The following TMEM272 variants were observed in gnomAD, a reference collection of about 807,000 sequenced individuals.
TMEM272 encodes the protein long intergenic non-protein coding RNA 282.
A neutral mutation model predicts 3.7 loss-of-function variants in TMEM272; 8 were observed. The observed-to-expected ratio is 2.17, with a 90% CI of 1.27 to 3.91. The LOEUF (loss-of-function observed/expected upper bound fraction) is 3.91, where lower values mean the gene tolerates loss of function less well. Ranked by LOEUF, TMEM272 falls within the 30% of genes most tolerant of loss-of-function variation. The pLI is 0.00. For missense variants in TMEM272, 166 were observed against 91.5 expected (o/e 1.81, Z -3.32); for synonymous variants, 63 against 39.8 (o/e 1.58, Z -2.20).
At chr13:51,932,236 T>C in the TMEM272 span, 77,883 of 151,930 alleles carry the variant, frequency 0.51, 19,987 homozygotes, top group Middle Eastern at 0.54. Flanking sequence ...CAGCAGAGCC[T>C]ACTAGTCAAG....
intron 4 of TMEM272, among the ~76,000 whole-genome samples, chr13:51,818,307 CAG>C (rs1956051236): frequency 1.3e-5 from 2 of 152,148 alleles, no homozygotes; most frequent in Admixed American, 6.5e-5. Flanking sequence ...TAAAGAGAGA[CAG>C]AGAGATGGGA....
chr13:51,894,251 A>C, the TMEM272 span, among the ~76,000 whole-genome samples: 7 of 152,220 alleles, frequency 4.6e-5, no homozygotes, highest in African/African-American at 1.7e-4. Context: ...TCAGGAACTA[A>C]AGCAAAGGCA....
the TMEM272 span, chr13:51,862,195 C>T: frequency 6.6e-6 from 1 of 152,212 alleles, no homozygotes; most frequent in Non-Finnish European, 1.5e-5. Flanking sequence ...CCTCTGAGGG[C>T]TACAGGACTT....
At chr13:51,871,785 TACACACACAC>T in the TMEM272 span, among the ~76,000 whole-genome samples, 13,973 of 129,520 alleles carry the variant, frequency 0.11, 752 homozygotes, top group Non-Finnish European at 0.12. Context: ...AATCTCCCCC[TACACACACAC>T]ACACACACAC....
chr13:51,910,559 C>T, the TMEM272 span: 1 of 692,004 alleles, frequency 1.4e-6, no homozygotes, highest in South Asian at 1.4e-5. Flanking sequence ...CTGCCATAAC[C>T]CTGGGTAGCA....
At chr13:51,934,341 A>C in the TMEM272 span, 1 of 301,756 alleles carries the variant, frequency 3.3e-6, no homozygotes. Flanking sequence ...AGGCGTCATC[A>C]GAAAGACCCT....
the TMEM272 span, among the ~76,000 whole-genome samples, chr13:51,912,354 GC>G: frequency 2.0e-5 from 3 of 152,116 alleles, no homozygotes; most frequent in African/African-American, 7.2e-5. Flanking sequence ...TCTGCAAACA[GC>G]CTTCTCCGTA....
At chr13:51,929,626 A>G in the TMEM272 span, among the ~76,000 whole-genome samples, 7 of 152,364 alleles carry the variant, frequency 4.6e-5, no homozygotes, top group Admixed American at 3.9e-4. Context: ...TCCTAAGGAA[A>G]GCACCAGCAT....
chr13:51,865,553 C>T, the TMEM272 span: 35 of 1,614,036 alleles, frequency 2.2e-5, no homozygotes, highest in South Asian at 2.9e-4. Context: ...GAAAATTTTT[C>T]GTGAAAAAAT....
At chr13:51,932,837 C>T in the TMEM272 span, 1 of 151,990 alleles carries the variant, frequency 6.6e-6, no homozygotes, top group South Asian at 2.1e-4. Context: ...CGTTTATGGT[C>T]CTAAAAGTTT....
At chr13:51,901,134 T>C in the TMEM272 span, among the ~76,000 whole-genome samples, 2 of 152,206 alleles carry the variant, frequency 1.3e-5, no homozygotes, top group Non-Finnish European at 2.9e-5. Flanking sequence ...AATAAAACTT[T>C]TCTTTTTTTT....
the TMEM272 span, chr13:51,930,585 T>A: frequency 6.6e-6 from 1 of 152,110 alleles, no homozygotes; most frequent in Non-Finnish European, 1.5e-5. Context: ...AAACTGACAG[T>A]CAGCCTAAGT....
the TMEM272 span, among the ~76,000 whole-genome samples, chr13:51,901,341 G>A: frequency 6.6e-6 from 1 of 152,054 alleles, no homozygotes; most frequent in South Asian, 2.1e-4. Flanking sequence ...GTTCCACATG[G>A]TCTAGAGTTC....
the TMEM272 span, among the ~76,000 whole-genome samples, chr13:51,883,322 T>C: frequency 0.06 from 9,197 of 152,280 alleles, 346 homozygotes; most frequent in Middle Eastern, 0.12. Flanking sequence ...CCACTCACCA[T>C]TCAGCAGGTT....
the TMEM272 span, among the ~76,000 whole-genome samples, chr13:51,868,794 C>T: frequency 6.6e-6 from 1 of 152,190 alleles, no homozygotes; most frequent in Non-Finnish European, 1.5e-5. Flanking sequence ...GTTCCAGACT[C>T]GAAATGAATC....
chr13:51,863,542 G>A, the TMEM272 span, among the ~76,000 whole-genome samples: 1 of 152,056 alleles, frequency 6.6e-6, no homozygotes, highest in African/African-American at 2.4e-5. Flanking sequence ...TGGTTGAGGA[G>A]AGAAGTCTGG....
the TMEM272 span, among the ~76,000 whole-genome samples, chr13:51,903,780 C>T: frequency 6.6e-6 from 1 of 152,132 alleles, no homozygotes; most frequent in South Asian, 2.1e-4. Flanking sequence ...CAAACTTTAG[C>T]TTCAATAAAC....
At chr13:51,915,467 T>A in the TMEM272 span, among the ~76,000 whole-genome samples, 2 of 152,250 alleles carry the variant, frequency 1.3e-5, no homozygotes, top group African/African-American at 4.8e-5. Context: ...CCTTTGTTGA[T>A]GAGAATCAAC....
At chr13:51,920,073 A>G in the TMEM272 span, among the ~76,000 whole-genome samples, 2 of 152,160 alleles carry the variant, frequency 1.3e-5, no homozygotes, top group Non-Finnish European at 2.9e-5. Flanking sequence ...TGCAGTGAGG[A>G]ATCCAAGAGG....
Sources: allele counts gnomAD v4.1 joint callset (sites outside exome capture counted in the v4.1 genomes callset), GRCh38; gene constraint gnomAD v4.1.1; transcripts MANE v1.5; gene names NCBI Gene and HGNC (gene_info 2026-07-23, HGNC 2026-07-21).